BDP1: variants seen among roughly 807,000 people sequenced by gnomAD.
BDP1 encodes BDP1 general transcription factor IIIB subunit.
In BDP1, 169 loss-of-function variants were observed where a neutral mutation model predicts 266.6. That is an observed-to-expected ratio of 0.63 (90% CI 0.56 to 0.72). BDP1 has a LOEUF of 0.72. Among genes scored for constraint, BDP1 ranks in the 30% least tolerant of loss-of-function variants. BDP1 has a pLI of 0.00. For synonymous variants in BDP1, 1,090 were observed against 1,022.4 expected (o/e 1.07, Z -1.26); for missense variants, 3,015 against 3,053.8 (o/e 0.99, Z 0.30).
At chr5:71,457,195 G>C (rs142724664) in intron 1 of BDP1, among the ~76,000 whole-genome samples, 3,561 of 151,510 alleles carry the variant, frequency 0.024, 69 homozygotes, top group South Asian at 0.073. Flanking sequence ...GTAGTTTTGA[G>C]ATATTTATGG....
intron 3 of BDP1, 29 bp downstream of exon 3, chr5:71,461,955 TCTC>T: frequency 2.6e-6 from 2 of 783,302 alleles, no homozygotes; most frequent in Non-Finnish European, 4.2e-6. Flanking sequence ...TGCTTTACTA[TCTC>T]TTTTTTTTTT....
chr5:71,475,866 A>G (rs10057258), intron 7 of BDP1: 45,964 of 152,590 alleles, frequency 0.3, 7,979 homozygotes, highest in East Asian at 0.5. Context: ...TACCACTTCA[A>G]TCACTAAAGC....
chr5:71,578,133 G>A, the BDP1 span, among the ~76,000 whole-genome samples: 1 of 152,130 alleles, frequency 6.6e-6, no homozygotes, highest in South Asian at 2.1e-4. Flanking sequence ...TTCGAGGAAT[G>A]CAGTCTTGCA....
At chr5:71,500,129 T>G (rs1392570862) in intron 13 of BDP1, among the ~76,000 whole-genome samples, 1 of 152,108 alleles carries the variant, frequency 6.6e-6, no homozygotes, top group African/African-American at 2.4e-5. Context: ...GATGTTGGTT[T>G]GCTTCTTTTC....
chr5:71,487,670 G>T (rs972552328), intron 9 of BDP1, among the ~76,000 whole-genome samples: 1 of 152,140 alleles, frequency 6.6e-6, no homozygotes, highest in Non-Finnish European at 1.5e-5. Context: ...CTGTGTTGGG[G>T]GTCCCCACGA....
chr5:71,466,505 G>A (rs1761913899), intron 5 of BDP1, among the ~76,000 whole-genome samples: 1 of 152,084 alleles, frequency 6.6e-6, no homozygotes, highest in African/African-American at 2.4e-5. Flanking sequence ...CTAATCATAT[G>A]CTGTCTTCCA....
intron 26 of BDP1, among the ~76,000 whole-genome samples, chr5:71,534,799 G>A (rs749347688): frequency 5.9e-5 from 9 of 151,976 alleles, no homozygotes; most frequent in Non-Finnish European, 1.3e-4. Context: ...ATGCCACCAC[G>A]CCCTGCTAAT....
chr5:71,483,870 A>G lies in BDP1; in HGVS notation c.1043A>G (p.Asn348Ser), dbSNP rs751155184. 1 of 1,611,482 alleles carries G rather than the reference A, an allele frequency of 6.2e-7. No homozygotes were observed. The highest frequency in any genetic ancestry group is 8.5e-7 in the Non-Finnish European group (1 of 1,178,080). ...AAATTTAAACGGGAAGAGAAAACAA[A>G]TGGATGGAGAATAGACAAAGCATTC... ...KNKFKREEKT[N>S]GWRIDKAFQE... Residue 348 changes from asparagine to serine, a missense_variant, in exon 8 of 39, where the codon AAT (asparagine) becomes AGT (serine). Coordinates refer to ENST00000358731, the MANE Select transcript of BDP1 (RefSeq NM_018429.3).
At chr5:71,522,167 A>G (rs909175582) in intron 22 of BDP1, 122 bp from the exon 23 acceptor site, 1 of 714,340 alleles carries the variant, frequency 1.4e-6, no homozygotes. Context: ...TTTATTGCCA[A>G]TTTATATATA....
intron 6 of BDP1, among the ~76,000 whole-genome samples, chr5:71,469,173 C>G (rs1199573340): frequency 6.6e-6 from 1 of 151,652 alleles, no homozygotes; most frequent in African/African-American, 2.4e-5. Flanking sequence ...GAGTCTCACT[C>G]TGTCACCCAG....
intron 13 of BDP1, among the ~76,000 whole-genome samples, chr5:71,497,782 C>G (rs1443285987): frequency 1.3e-5 from 2 of 152,112 alleles, no homozygotes; most frequent in Non-Finnish European, 2.9e-5. Flanking sequence ...TACAAACTTT[C>G]TGTTTGTTTT....
chr5:71,509,081 A>G (rs1764747030), intron 16 of BDP1, among the ~76,000 whole-genome samples: 2 of 152,178 alleles, frequency 1.3e-5, no homozygotes, highest in African/African-American at 2.4e-5. Context: ...ATTTGTCTGT[A>G]TAAAAGATAG....
At chr5:71,514,439 A>G (rs1017778637) in intron 19 of BDP1, among the ~76,000 whole-genome samples, 12 of 152,206 alleles carry the variant, frequency 7.9e-5, no homozygotes, top group Admixed American at 6.5e-4. Context: ...TTAATCATAC[A>G]GCAATTTTGA....
chr5:71,519,328 T>C (rs2150499205), intron 22 of BDP1, among the ~76,000 whole-genome samples: 2 of 152,344 alleles, frequency 1.3e-5, no homozygotes, highest in Admixed American at 1.3e-4. Context: ...CAACATAATT[T>C]TCTAGCTATT....
At chr5:71,524,548 A>G (rs1765673990) in intron 25 of BDP1, among the ~76,000 whole-genome samples, 1 of 151,928 alleles carries the variant, frequency 6.6e-6, no homozygotes, top group Non-Finnish European at 1.5e-5. Context: ...AACGAGAGAA[A>G]TCTGCTTACA....
At chr5:71,551,322 G>C (rs1486649805) in intron 34 of BDP1, among the ~76,000 whole-genome samples, 2 of 152,094 alleles carry the variant, frequency 1.3e-5, no homozygotes, top group Non-Finnish European at 2.9e-5. Context: ...CTCTTAACGA[G>C]CATACTGCGT....
At chr5:71,472,530 T>C (rs909462662) in intron 7 of BDP1, among the ~76,000 whole-genome samples, 9 of 152,222 alleles carry the variant, frequency 5.9e-5, no homozygotes, top group Admixed American at 1.3e-4. Flanking sequence ...ATTGGACTAA[T>C]GTATTCCTGT....
rs773259275 is a variant in BDP1, at chr5:71,486,558, A to G, written c.1144A>G (p.Lys382Glu). 1 of 1,543,862 alleles carries G rather than the reference A, an allele frequency of 6.5e-7. No homozygotes were observed. Among genetic ancestry groups the G allele is most frequent in the South Asian group, 1.3e-5 (1 of 78,380 alleles). ...AGTTCTTGCTGAAGAAGAGAAAAGA[A>G]AACAAAAATCTGTTAAAAATCACAG... ...QKVLAEEEKR[K>E]QKSVKNHSLK... The change falls in exon 9 of 39, where the codon AAA becomes GAA. Residue 382 changes from lysine to glutamate, a missense_variant. Around this residue, in one of 3 missense-constraint regions of BDP1, gnomAD observed 2,383 missense variants for 2,404.9 expected, o/e 0.99. Coordinates refer to ENST00000358731, the MANE Select transcript of BDP1 (RefSeq NM_018429.3).
intron 5 of BDP1, 91 bp downstream of exon 5, chr5:71,466,312 T>C: frequency 7.1e-7 from 1 of 1,406,440 alleles, no homozygotes; most frequent in South Asian, 1.3e-5. Flanking sequence ...GTATTGGCCT[T>C]TGTCACTTAG....
Sources: allele counts gnomAD v4.1 joint callset (sites outside exome capture counted in the v4.1 genomes callset), GRCh38; gene constraint gnomAD v4.1.1; regional missense constraint gnomAD v4.1.1; transcripts MANE v1.5; gene names NCBI Gene and HGNC (gene_info 2026-07-23, HGNC 2026-07-21).